The following MCF2L variants were observed in gnomAD, a reference collection of about 807,000 sequenced individuals.
MCF2L encodes the protein MCF.2 cell line derived transforming sequence like.
MCF2L carries 97 observed loss-of-function variants against 153.4 expected under a neutral mutation model. That is an observed-to-expected ratio of 0.63 (90% CI 0.54 to 0.75). MCF2L has a LOEUF of 0.75. Among genes scored for constraint, MCF2L ranks in the 30% least tolerant of loss-of-function variants. MCF2L has a pLI of 0.00. For missense variants in MCF2L, 1,347 were observed against 1,495.2 expected (o/e 0.90, Z 1.64); for synonymous variants, 659 against 632.2 (o/e 1.04, Z -0.64).
intron 2 of MCF2L, among the ~76,000 whole-genome samples, chr13:113,017,050 A>T (rs4907575): frequency 0.39 from 59,597 of 152,078 alleles, 12,359 homozygotes; most frequent in African/African-American, 0.53. Flanking sequence ...ACGTCTGAGA[A>T]GGATCAGTGT....
intron 15 of MCF2L, among the ~76,000 whole-genome samples, 153 bp from the exon 16 acceptor site, chr13:113,081,060 C>G (rs1038406743): frequency 1.3e-5 from 2 of 152,198 alleles, no homozygotes; most frequent in Non-Finnish European, 2.9e-5. Context: ...AGGGGAACCC[C>G]GAGGAGCGTC....
chr13:113,097,061 A>G lies in MCF2L; in HGVS notation c.*202A>G. On this transcript the variant is annotated 3_prime_UTR_variant, in exon 30 of 30. Coordinates refer to ENST00000535094, the MANE Select transcript of MCF2L (RefSeq NM_001112732.3). ...CCGCTGGGGCTTCCCCGGAGACTCC[A>G]GAGCCCACAGAGGAGGGGCCGCAGG... The G allele has an allele frequency of 2.7e-6, 1 of 375,202 alleles. No homozygotes were observed. The highest frequency in any genetic ancestry group is 4.7e-6 in the Non-Finnish European group (1 of 212,362). 23.2% of individuals were successfully genotyped at this position (375,202 alleles called of 1,614,324 possible). A position where few individuals can be genotyped will look rare whatever the true frequency, so the allele number is the denominator to read the frequency against.
intron 1 of MCF2L, chr13:113,001,910 C>T: frequency 6.3e-7 from 1 of 1,593,156 alleles, no homozygotes; most frequent in Non-Finnish European, 8.5e-7. Context: ...CACTGGGCAG[C>T]ATGACGGTGC....
At chr13:113,001,928 G>T in intron 1 of MCF2L, 1 of 1,595,110 alleles carries the variant, frequency 6.3e-7, no homozygotes. Context: ...TGCGCCGGCT[G>T]TCACTGCTGT....
rs2081970086 is a variant in MCF2L at position 112,969,521 on chromosome 13, G to C, written c.79+63G>C. On this transcript the variant is annotated intron_variant, in intron 1 of 29. Transcript: ENST00000535094. This position sits in a 1 kb window ranked among gnomAD's most constrained non-coding sequence, Gnocchi z 4.8. ...AGCTTGACATCATGGGCTGAAATGT[G>C]GGGAAATGCGTCTGATTTTTGTAAG... 1.3e-6 allele frequency: 2 copies of C among 1,544,274 alleles called. No individual in the cohort carries two copies. The highest frequency in any genetic ancestry group is 2.7e-5 in the African/African-American group (2 of 72,900).
At chr13:113,057,661 G>A (rs1180694866) in intron 4 of MCF2L, among the ~76,000 whole-genome samples, 1 of 147,666 alleles carries the variant, frequency 6.8e-6, no homozygotes, top group Non-Finnish European at 1.5e-5. Context: ...TTTAGGTGCT[G>A]TGTGTTTGGG....
At chr13:113,039,361 G>A (rs1160447435) in intron 3 of MCF2L, among the ~76,000 whole-genome samples, 1 of 152,072 alleles carries the variant, frequency 6.6e-6, no homozygotes, top group Non-Finnish European at 1.5e-5. Flanking sequence ...CTCTATTCTC[G>A]ACAAACATAG....
chr13:113,058,719 A>T (rs892372890), intron 4 of MCF2L, among the ~76,000 whole-genome samples: 1 of 55,824 alleles, frequency 1.8e-5, no homozygotes, highest in Non-Finnish European at 3.4e-5. Flanking sequence ...TTGGGCACTG[A>T]GTGGGTGCTG....
chr13:112,944,808 C>T (rs976446829), intron 2 of MCF2L, among the ~76,000 whole-genome samples: 1 of 152,108 alleles, frequency 6.6e-6, no homozygotes, highest in Admixed American at 6.5e-5. Flanking sequence ...CTGAAAGAGC[C>T]AGCCTCTTAG....
At chr13:113,039,577 A>G (rs74115751) in intron 3 of MCF2L, among the ~76,000 whole-genome samples, 5,972 of 152,244 alleles carry the variant, frequency 0.039, 380 homozygotes, top group African/African-American at 0.14. Context: ...ACATCCAATA[A>G]GAAACTTGTT....
intron 2 of MCF2L, among the ~76,000 whole-genome samples, chr13:112,945,890 C>T (rs960952904): frequency 5.3e-5 from 8 of 152,114 alleles, no homozygotes; most frequent in Admixed American, 2.6e-4. Flanking sequence ...GGGTTTGTGC[C>T]GTGTACTTTA....
intron 1 of MCF2L, among the ~76,000 whole-genome samples, chr13:112,973,119 G>A (rs1340323388): frequency 3.9e-5 from 6 of 152,022 alleles, no homozygotes; most frequent in South Asian, 2.1e-4. Context: ...GAGTAGGTGC[G>A]GCTCCCTGGC....
At chr13:113,088,690 C>T in intron 25 of MCF2L, 62 bp downstream of exon 25, 1 of 1,526,222 alleles carries the variant, frequency 6.6e-7, no homozygotes, top group Non-Finnish European at 8.9e-7. Flanking sequence ...AGGCCATTTG[C>T]ACGCCAGGGT....
At chr13:113,023,888 A>C (rs1360324170) in intron 2 of MCF2L, among the ~76,000 whole-genome samples, 4 of 152,238 alleles carry the variant, frequency 2.6e-5, no homozygotes, top group Non-Finnish European at 5.9e-5. Context: ...AGGTGGATGC[A>C]GGGTCGTGGG....
chr13:113,010,644 G>A (rs991247853), intron 1 of MCF2L, among the ~76,000 whole-genome samples: 3 of 151,708 alleles, frequency 2.0e-5, no homozygotes, highest in African/African-American at 4.9e-5. Context: ...GCCTCTGCCC[G>A]CGTGGCAGGG....
chr13:112,937,881 A>AACTGTGATTG (rs2081532869), intron 2 of MCF2L, among the ~76,000 whole-genome samples: 2 of 151,254 alleles, frequency 1.3e-5, no homozygotes, highest in African/African-American at 4.9e-5. Flanking sequence ...GGTTCAGGTG[A>AACTGTGATTG]GTTCTGATGT....
In MCF2L at chr13:112,943,397, C is replaced by T. The variant is rs1263456311; in HGVS notation, c.169+41026C>T. Among the ~76,000 whole-genome samples, 4 of 145,924 alleles carry T rather than the reference C, an allele frequency of 2.7e-5. No homozygotes were observed. Among genetic ancestry groups the T allele is most frequent in the Non-Finnish European group, 4.5e-5 (3 of 66,162 alleles). On this transcript the variant is annotated intron_variant, in intron 2 of 29. Coordinates refer to the MCF2L transcript ENST00000375608. This position sits in a 1 kb window ranked among gnomAD's most constrained non-coding sequence, Gnocchi z 4.2. ...GGCTCCCAGCTCCCGGTCCCCGGCT[C>T]CGCGCCGCAGGCGTGAACGCCCAAC...
In MCF2L at chr13:112,969,477, C is replaced by T. The variant is rs984197756; in HGVS notation, c.79+19C>T. On this transcript the variant is annotated intron_variant, in intron 1 of 29. Transcript: ENST00000535094. This position sits in a 1 kb window ranked among gnomAD's most constrained non-coding sequence, Gnocchi z 4.8. Reference sequence around the variant, plus strand: ...CACACGGGTAGGAGGAGCTGCTGGCCGTCAGTGATCTGTGCTTAAGCTTGA... The same window carrying T: ...CACACGGGTAGGAGGAGCTGCTGGCTGTCAGTGATCTGTGCTTAAGCTTGA... 43 of 1,550,008 alleles carry T rather than the reference C, an allele frequency of 2.8e-5. No individual in the cohort carries two copies. Among genetic ancestry groups the T allele is most frequent in the Non-Finnish European group, 3.7e-5 (43 of 1,146,708 alleles).
chr13:112,923,326 A>C (rs3011489), intron 2 of MCF2L, among the ~76,000 whole-genome samples: 10,985 of 144,938 alleles, frequency 0.076, 491 homozygotes, highest in South Asian at 0.14. Flanking sequence ...TACAGTGGCA[A>C]GATCTCGGCT....
Sources: gnomAD v4.1 joint callset for allele counts (sites outside exome capture counted in the v4.1 genomes callset) on GRCh38, gnomAD v4.1.1 for gene constraint, Gnocchi (gnomAD v3.1) non-coding constraint, MANE v1.5 for transcripts, NCBI Gene and HGNC (gene_info 2026-07-23, HGNC 2026-07-21) for gene names.